Variants in LRRC53 observed in about 807,000 individuals in gnomAD.
LRRC53 encodes the protein leucine-rich repeat-containing protein 53.
A neutral mutation model predicts 13.6 loss-of-function variants in LRRC53; 25 were observed. That is an observed-to-expected ratio of 1.83 (90% confidence interval 1.34 to 2.56). LRRC53 has a LOEUF of 2.56. Among genes scored for constraint, LRRC53 ranks in the 30% most tolerant of loss-of-function variants. The pLI, the probability that LRRC53 is intolerant of heterozygous loss-of-function variation, is 0.00. For synonymous variants in LRRC53, 204 were observed against 109.8 expected (o/e 1.86, Z -5.37); for missense variants, 527 against 275.8 (o/e 1.91, Z -6.45).
At chr1:74,492,755 G>A (rs767392483) in intron 1 of LRRC53, among the ~76,000 whole-genome samples, 13 of 152,252 alleles carry the variant, frequency 8.5e-5, no homozygotes, top group Non-Finnish European at 1.6e-4. Flanking sequence ...ACCAAAAGGT[G>A]GAAACAACCC....
chr1:74,491,762 T>A (rs558531242), intron 1 of LRRC53, among the ~76,000 whole-genome samples: 5 of 152,380 alleles, frequency 3.3e-5, no homozygotes, highest in Non-Finnish European at 7.3e-5. Context: ...TAAATCTTAT[T>A]GCCATAGTGA....
intron 1 of LRRC53, among the ~76,000 whole-genome samples, chr1:74,510,333 C>T (rs762813942): frequency 1.1e-4 from 17 of 152,030 alleles, no homozygotes; most frequent in Admixed American, 5.2e-4. Flanking sequence ...GGTGAAGCCC[C>T]GTCTCTACTA....
At chr1:74,523,270 A>G in the LRRC53 span, among the ~76,000 whole-genome samples, 1 of 152,204 alleles carries the variant, frequency 6.6e-6, no homozygotes, top group Admixed American at 6.6e-5. Context: ...AAACACATCT[A>G]TAGACATTAT....
At chr1:74,526,054 AC>A in the LRRC53 span, among the ~76,000 whole-genome samples, 1 of 152,242 alleles carries the variant, frequency 6.6e-6, no homozygotes, top group Non-Finnish European at 1.5e-5. Context: ...TTAAAACAAA[AC>A]AAAAAAAACA....
intron 2 of LRRC53, among the ~76,000 whole-genome samples, chr1:74,481,990 C>G (rs1668529313): frequency 6.6e-6 from 1 of 152,176 alleles, no homozygotes; most frequent in South Asian, 2.1e-4. Flanking sequence ...AGAGTGCCTT[C>G]TTTTGGAAGA....
chr1:74,518,298 T>C, the LRRC53 span, among the ~76,000 whole-genome samples: 1 of 151,652 alleles, frequency 6.6e-6, no homozygotes, highest in Non-Finnish European at 1.5e-5. Context: ...TTGAAAGGAG[T>C]TCTTCTTTTA....
intron 1 of LRRC53, among the ~76,000 whole-genome samples, chr1:74,491,663 T>C (rs958856663): frequency 5.9e-5 from 9 of 152,230 alleles, no homozygotes; most frequent in Non-Finnish European, 1.2e-4. Context: ...TGATGTATTC[T>C]TGGAAAAGTG....
At chr1:74,512,102 T>C (rs1235623822) in intron 1 of LRRC53, among the ~76,000 whole-genome samples, 5 of 152,190 alleles carry the variant, frequency 3.3e-5, no homozygotes, top group Admixed American at 2.0e-4. Context: ...TGAAAAGATC[T>C]GGATGGGACT....
the LRRC53 span, among the ~76,000 whole-genome samples, chr1:74,534,693 C>T: frequency 1.3e-5 from 2 of 152,034 alleles, no homozygotes; most frequent in African/African-American, 4.8e-5. Flanking sequence ...AGTATCTCCT[C>T]TATCTTGTAA....
chr1:74,510,940 T>C (rs973871636), intron 1 of LRRC53, among the ~76,000 whole-genome samples: 2 of 152,200 alleles, frequency 1.3e-5, no homozygotes, highest in African/African-American at 4.8e-5. Flanking sequence ...CAGGCTGGAG[T>C]ACAATGGTGC....
the LRRC53 span, among the ~76,000 whole-genome samples, chr1:74,518,447 CT>C: frequency 6.6e-6 from 1 of 152,138 alleles, no homozygotes; most frequent in Non-Finnish European, 1.5e-5. Flanking sequence ...CAGTTATAGA[CT>C]CTTGGTTGCT....
At chr1:74,516,747 A>T (rs1368249144), upstream of LRRC53, among the ~76,000 whole-genome samples, 1 of 152,194 alleles carries the variant, frequency 6.6e-6, no homozygotes, top group Non-Finnish European at 1.5e-5. Flanking sequence ...TTATTTCTCC[A>T]GTAGTAATAA....
At chr1:74,503,621 A>C (rs2100350540) in intron 1 of LRRC53, among the ~76,000 whole-genome samples, 1 of 152,230 alleles carries the variant, frequency 6.6e-6, no homozygotes, top group East Asian at 1.9e-4. Context: ...GAGACGTAAA[A>C]TTTTTATGAC....
At chr1:74,508,916 A>T (rs956046987) in intron 1 of LRRC53, among the ~76,000 whole-genome samples, 3 of 152,220 alleles carry the variant, frequency 2.0e-5, no homozygotes, top group African/African-American at 7.2e-5. Flanking sequence ...CAGAAAATTC[A>T]TATAAAACAC....
chr1:74,475,475 A>G lies in LRRC53; in HGVS notation c.1240T>C (p.Phe414Leu). The G allele has an allele frequency of 1.4e-6, 1 of 717,092 alleles. No individual in the cohort carries two copies. Among genetic ancestry groups the G allele is most frequent in the Non-Finnish European group, 2.6e-6 (1 of 384,896 alleles). 44.4% of individuals were successfully genotyped at this position (717,092 alleles called of 1,614,324 possible). The change falls in exon 4 of 5, where the codon TTT (phenylalanine) becomes CTT (leucine). Residue 414 changes from phenylalanine to leucine, a missense_variant. Transcript: ENST00000294635. The part of the protein sequence containing the change: ...KKDRGVGSTL[F>L]CQDGRLLHSE... The stretch of plus-strand genomic sequence containing the variant: ...TGCAGCAATCTACCATCCTGGCAAA[A>G]TAAAGTGCTGCCTACCCCACGGTCT...
rs1202885881 is a variant in LRRC53 at position 74,480,527 on chromosome 1, A to G, written c.530T>C (p.Phe177Ser). The change falls in exon 3 of 5, where the codon TTC becomes TCC. Residue 177 changes from phenylalanine (F) to serine (S), a missense_variant. By Grantham distance (155) the Phe-to-Ser change is radical. Coordinates refer to ENST00000294635, the MANE Select transcript of LRRC53 (RefSeq NM_001382280.1). ...NFISYIGKDA[F>S]RPLPQLQEVD... Reference sequence around the variant, plus strand: ...TTCCTGTAGTTGAGGCAGGGGCCGGAAGGCATCTTTCCCAATGTAGGAAAT... The same window carrying G: ...TTCCTGTAGTTGAGGCAGGGGCCGGGAGGCATCTTTCCCAATGTAGGAAAT... 2.8e-6 allele frequency: 2 copies of G among 717,370 alleles called. No individual in the cohort carries two copies. Among genetic ancestry groups the G allele is most frequent in the Non-Finnish European group, 5.2e-6 (2 of 385,102 alleles). 44.4% of individuals were successfully genotyped at this position (717,370 alleles called of 1,614,324 possible).
chr1:74,489,631 A>G (rs186182036), intron 1 of LRRC53, among the ~76,000 whole-genome samples: 46 of 152,358 alleles, frequency 3.0e-4, no homozygotes, highest in African/African-American at 1.0e-3. Context: ...TTCAATGCGA[A>G]AAGAAAAATT....
chr1:74,480,642 C>T lies in LRRC53; in HGVS notation c.415G>A (p.Asp139Asn). ...GTGAGATTAGTAATCTGATTCCCAT[C>T]CAGCTGGAGCCGGGTCAGGCCGCTT... is the stretch of plus-strand genomic sequence containing the variant. ...NTSGLTRLQLDGNQITNLTDS... is the reference protein window; with the variant it reads ...NTSGLTRLQLNGNQITNLTDS... Residue 139 changes from aspartate (D) to asparagine (N), a missense_variant, in exon 3 of 5, where the codon GAT becomes AAT. Coordinates refer to ENST00000294635, the MANE Select transcript of LRRC53 (RefSeq NM_001382280.1). 1 of 717,270 alleles carries T rather than the reference C, an allele frequency of 1.4e-6. No individual in the cohort carries two copies. Among genetic ancestry groups the T allele is most frequent in the South Asian group, 1.5e-5 (1 of 67,596 alleles). 44.4% of individuals were successfully genotyped at this position (717,270 alleles called of 1,614,324 possible).
At chr1:74,503,381 T>C (rs572956653) in intron 1 of LRRC53, among the ~76,000 whole-genome samples, 7 of 152,376 alleles carry the variant, frequency 4.6e-5, no homozygotes, top group African/African-American at 1.7e-4. Flanking sequence ...ATTTGAAATA[T>C]GATATCTATA....
Sources: allele counts gnomAD v4.1 joint callset (sites outside exome capture counted in the v4.1 genomes callset), GRCh38; gene constraint gnomAD v4.1.1; transcripts MANE v1.5; gene names NCBI Gene and HGNC (gene_info 2026-07-23, HGNC 2026-07-21).